Variants in CLMN observed in about 807,000 individuals in gnomAD.
CLMN encodes the protein calmin.
Under a neutral mutation model 92.7 loss-of-function variants are expected in CLMN, and 57 were observed. The observed-to-expected ratio is 0.61, with a 90% CI of 0.50 to 0.77. The LOEUF (loss-of-function observed/expected upper bound fraction) is 0.77, where lower values mean the gene tolerates loss of function less well. Among genes scored for constraint, CLMN ranks in the 30% least tolerant of loss-of-function variants. The probability of loss-of-function intolerance (pLI) is 0.00; values close to 1 mark genes in which losing one functional copy is unlikely to be tolerated. For missense variants in CLMN, 1,158 were observed against 1,237.5 expected (o/e 0.94, Z 0.96); for synonymous variants, 466 against 470.6 (o/e 0.99, Z 0.13).
intron 1 of CLMN, among the ~76,000 whole-genome samples, chr14:95,245,199 A>T (rs1898440794): frequency 2.8e-5 from 1 of 35,274 alleles, no homozygotes; most frequent in African/African-American, 1.3e-4. Flanking sequence ...TATATAATAT[A>T]TATATATATT....
chr14:95,316,637 T>C (rs576849166), intron 1 of CLMN, among the ~76,000 whole-genome samples: 10 of 152,354 alleles, frequency 6.6e-5, no homozygotes, highest in Non-Finnish European at 1.3e-4. Context: ...ATAAAAGCCT[T>C]GGATGAGCAA....
chr14:95,203,908 T>C lies in CLMN; in HGVS notation c.1441A>G (p.Ile481Val). 6.2e-7 allele frequency: 1 copy of C among 1,613,172 alleles called. No individual in the cohort carries two copies. The highest frequency in any genetic ancestry group is 8.5e-7 in the Non-Finnish European group (1 of 1,180,022). The change falls in exon 9 of 13, where the codon ATT becomes GTT. Residue 481 changes from isoleucine to valine, a missense_variant. Transcript: ENST00000298912. Reference protein sequence around the residue: ...EKEQKQESSKIPESSSDKVAG... With the variant: ...EKEQKQESSKVPESSSDKVAG... ...ACCTTGTCAGAGGAGGATTCTGGAA[T>C]CTTCGAGGATTCCTGTTTCTGTTCC...
At chr14:95,305,480 G>A (rs1901240391) in intron 1 of CLMN, among the ~76,000 whole-genome samples, 1 of 152,198 alleles carries the variant, frequency 6.6e-6, no homozygotes, top group South Asian at 2.1e-4. Context: ...TTAAAATATG[G>A]AATGTAAAAT....
At chr14:95,290,633 G>C (rs1048639994) in intron 1 of CLMN, among the ~76,000 whole-genome samples, 1 of 152,208 alleles carries the variant, frequency 6.6e-6, no homozygotes, top group Admixed American at 6.5e-5. Flanking sequence ...AAGGAACGCA[G>C]TATTACCAGT....
Position 95,203,160 on chromosome 14 carries a change from G to A in CLMN, c.2189C>T (p.Pro730Leu), listed in dbSNP as rs1896935766. Reference protein sequence around the residue: ...SVIPHDLFYFPHYEVPLAAVL... With the variant: ...SVIPHDLFYFLHYEVPLAAVL... The stretch of plus-strand genomic sequence containing the variant: ...TGCAGCCAGGGGAACCTCATAGTGT[G>A]GGAAATAGAAGAGGTCGTGGGGAAT... The change falls in exon 9 of 13, where the codon CCA (proline) becomes CTA (leucine). Residue 730 changes from proline to leucine, a missense_variant. Physicochemically the swap from Pro to Leu is moderately conservative, Grantham distance 98. Coordinates refer to ENST00000298912, the MANE Select transcript of CLMN (RefSeq NM_024734.4). The A allele has an allele frequency of 1.2e-6, 2 of 1,612,604 alleles. No homozygotes were observed. Among genetic ancestry groups the A allele is most frequent in the Non-Finnish European group, 8.5e-7 (1 of 1,180,024 alleles).
chr14:95,258,782 G>A (rs1055253150), intron 1 of CLMN, among the ~76,000 whole-genome samples: 1 of 147,682 alleles, frequency 6.8e-6, no homozygotes, highest in Non-Finnish European at 1.5e-5. Context: ...TGTGTGTGTG[G>A]AGGGTGTGTA....
At chr14:95,263,294 T>C (rs780038480) in intron 1 of CLMN, among the ~76,000 whole-genome samples, 47 of 152,150 alleles carry the variant, frequency 3.1e-4, no homozygotes, top group Non-Finnish European at 4.7e-4. Context: ...TCAGATCTCA[T>C]GATAACTCTC....
chr14:95,301,531 C>T (rs1014053710), intron 1 of CLMN, among the ~76,000 whole-genome samples: 4 of 152,120 alleles, frequency 2.6e-5, no homozygotes, highest in Non-Finnish European at 1.5e-5. Context: ...TAGGCCATGT[C>T]CACAGGGTGA....
intron 1 of CLMN, among the ~76,000 whole-genome samples, chr14:95,260,285 CA>C (rs891111546): frequency 6.6e-6 from 1 of 151,864 alleles, no homozygotes; most frequent in Non-Finnish European, 1.5e-5. Flanking sequence ...ACTAAAAATA[CA>C]AAAAAATTAG....
At chr14:95,220,169 CTTTTTTTTT>C (rs767326601) in intron 4 of CLMN, among the ~76,000 whole-genome samples, 4 of 71,796 alleles carry the variant, frequency 5.6e-5, no homozygotes, top group South Asian at 6.2e-4. Context: ...GGATAGGTCC[CTTTTTTTTT>C]TTTTTTTTTT....
rs1259716515 is a variant in CLMN at position 95,293,155 on chromosome 14, C to CTTTT, written c.82+26555_82+26556insAAAA. On this transcript the variant is annotated intron_variant, in intron 1 of 12. Transcript: ENST00000298912. ...TCCCTCCTTCCCTCCCTTCTTCCCTCCTTCCCTCTCTCCTTCCTTCCCTCC... is the reference window on the plus strand; with the variant it reads ...TCCCTCCTTCCCTCCCTTCTTCCCTCTTTTCTTCCCTCTCTCCTTCCTTCCCTCC... Among the ~76,000 whole-genome samples, 62 of 126,606 alleles carry CTTTT rather than the reference C, an allele frequency of 4.9e-4. No homozygotes were observed. In the South Asian group the frequency reaches 5.0e-3, roughly 10 times the overall value. 83.1% of individuals were successfully genotyped at this position (126,606 alleles called of 152,430 possible).
At position 95,203,775 on chromosome 14, in the gene CLMN, A is replaced by C; in HGVS notation, c.1574T>G (p.Leu525Arg). 1 of 1,614,144 alleles carries C rather than the reference A, an allele frequency of 6.2e-7. No homozygotes were observed. The highest frequency in any genetic ancestry group is 8.5e-7 in the Non-Finnish European group (1 of 1,179,990). Reference sequence around the variant, plus strand: ...CACAGTATTTTCTCCTGGGGGTGAAAGAGAGTGACTTTCTTCATCGTGGCG... The same window carrying C: ...CACAGTATTTTCTCCTGGGGGTGAACGAGAGTGACTTTCTTCATCGTGGCG... ...TARHDEESHS[L>R]SPPGENTVMA... The change falls in exon 9 of 13, where the codon CTT (leucine) becomes CGT (arginine). Residue 525 changes from leucine to arginine, a missense_variant. Transcript: ENST00000298912.
At chr14:95,238,406 C>T (rs755883607) in intron 1 of CLMN, among the ~76,000 whole-genome samples, 9 of 152,018 alleles carry the variant, frequency 5.9e-5, no homozygotes, top group Admixed American at 1.3e-4. Flanking sequence ...TCGGCTCTGG[C>T]GGTATTAAAG....
chr14:95,314,790 G>A (rs540250805), intron 1 of CLMN, among the ~76,000 whole-genome samples: 4 of 152,288 alleles, frequency 2.6e-5, no homozygotes, highest in East Asian at 3.9e-4. Context: ...CTCAAAGCCC[G>A]TGGCCTGACC....
chr14:95,196,273 G>A (rs1236828142), intron 10 of CLMN, among the ~76,000 whole-genome samples: 5 of 152,208 alleles, frequency 3.3e-5, no homozygotes, highest in African/African-American at 4.8e-5. Context: ...ACTGAGGAGA[G>A]AAGGCAAGCT....
intron 1 of CLMN, among the ~76,000 whole-genome samples, chr14:95,318,208 T>C (rs1901880036): frequency 6.6e-6 from 1 of 152,118 alleles, no homozygotes; most frequent in Admixed American, 6.5e-5. Flanking sequence ...GTACACACAC[T>C]CACACCCTCA....
intron 10 of CLMN, among the ~76,000 whole-genome samples, chr14:95,195,499 T>G (rs1232938828): frequency 6.6e-6 from 1 of 152,258 alleles, no homozygotes; most frequent in Admixed American, 6.5e-5. Context: ...CTCCTCTGGC[T>G]CTGTCTGTAT....
At chr14:95,201,397 C>A (rs764019226) in intron 9 of CLMN, among the ~76,000 whole-genome samples, 1 of 151,572 alleles carries the variant, frequency 6.6e-6, no homozygotes, top group Non-Finnish European at 1.5e-5. Flanking sequence ...TCATTCCCCA[C>A]GACCCCTTCT....
chr14:95,241,596 A>AATTC (rs1898244581), intron 1 of CLMN, among the ~76,000 whole-genome samples: 1 of 152,184 alleles, frequency 6.6e-6, no homozygotes, highest in South Asian at 2.1e-4. Context: ...TATGATGAAG[A>AATTC]AAGGCAAGAG....
Sources: allele counts gnomAD v4.1 joint callset (sites outside exome capture counted in the v4.1 genomes callset), GRCh38; gene constraint gnomAD v4.1.1; transcripts MANE v1.5; gene names NCBI Gene and HGNC (gene_info 2026-07-23, HGNC 2026-07-21).